Variants in ERG observed in about 807,000 individuals in gnomAD.
ERG encodes ETS transcription factor ERG.
In ERG, 9 loss-of-function variants were observed where a neutral mutation model predicts 55.3. The ratio of observed to expected loss-of-function variants is 0.16; its 90% CI spans 0.10 to 0.28. The LOEUF (loss-of-function observed/expected upper bound fraction) is 0.28, where lower values mean the gene tolerates loss of function less well. Ranked by LOEUF, ERG falls within the 10% of genes least tolerant of loss-of-function variation. The probability of loss-of-function intolerance (pLI) is 1.00; values close to 1 mark genes in which losing one functional copy is unlikely to be tolerated. For missense variants in ERG, 434 were observed against 631.6 expected, an observed-to-expected ratio of 0.69 and a Z score of 3.35; for synonymous variants, 223 against 237.3, an observed-to-expected ratio of 0.94 and a Z score of 0.55.
chr21:38,415,516 GT>G lies in ERG; in HGVS notation c.388+7893del, dbSNP rs1185566102. 3.3e-5 allele frequency among the ~76,000 whole-genome samples: 5 copies of G among 152,216 alleles called. No individual in the cohort carries two copies. In the East Asian group the frequency reaches 9.7e-4, roughly 29 times the overall value. ...TTTTAGTGGGTTTTGTTATTTAGTT[GT>G]TTGAGCATAGCAGGAATTTAAACAG... On this transcript the variant is annotated intron_variant, in intron 3 of 9. Coordinates refer to ENST00000288319, the MANE Select transcript of ERG (RefSeq NM_182918.4).
chr21:38,579,055 G>A (rs1226901232), intron 1 of ERG, among the ~76,000 whole-genome samples: 1 of 152,094 alleles, frequency 6.6e-6, no homozygotes, highest in East Asian at 1.9e-4. Context: ...GAAACTGAAG[G>A]ATAACCAAGA....
intron 1 of ERG, among the ~76,000 whole-genome samples, chr21:38,464,987 TG>T (rs1845014931): frequency 6.6e-6 from 1 of 152,128 alleles, no homozygotes; most frequent in Non-Finnish European, 1.5e-5. Context: ...GAGTTGGTTC[TG>T]GGTTCATGTT....
intron 2 of ERG, among the ~76,000 whole-genome samples, chr21:38,573,625 T>A (rs529152426): frequency 1.3e-5 from 2 of 152,206 alleles, no homozygotes; most frequent in Admixed American, 1.3e-4. Flanking sequence ...TCACATGTTT[T>A]TTGCTGACCT....
At chr21:38,546,528 C>T (rs1601222268) in intron 2 of ERG, among the ~76,000 whole-genome samples, 1 of 152,336 alleles carries the variant, frequency 6.6e-6, no homozygotes, top group Non-Finnish European at 1.5e-5. Context: ...CAGGCCTTGA[C>T]ACAAGCGCCC....
intron 1 of ERG, among the ~76,000 whole-genome samples, chr21:38,453,442 T>C (rs907007465): frequency 7.2e-5 from 11 of 152,380 alleles, no homozygotes; most frequent in Non-Finnish European, 7.3e-5. Context: ...TTAAAACAAC[T>C]CTGTTTTCTC....
chr21:38,402,468 C>A, intron 5 of ERG, 89 bp downstream of exon 5: 1 of 903,516 alleles, frequency 1.1e-6, no homozygotes. Context: ...GTCTTCCTGG[C>A]ACGCGCTGAC....
chr21:38,431,188 A>C (rs1412377462), intron 2 of ERG, among the ~76,000 whole-genome samples: 1 of 152,222 alleles, frequency 6.6e-6, no homozygotes, highest in East Asian at 1.9e-4. Context: ...ATTTTGTTAA[A>C]TTTGAGTTAA....
chr21:38,419,519 A>ACT, intron 3 of ERG, among the ~76,000 whole-genome samples: 1 of 151,346 alleles, frequency 6.6e-6, no homozygotes, highest in South Asian at 2.1e-4. Flanking sequence ...ATACACATAC[A>ACT]CACACACACA....
intron 2 of ERG, among the ~76,000 whole-genome samples, chr21:38,423,789 CA>C (rs1989669411): frequency 6.6e-6 from 1 of 152,082 alleles, no homozygotes; most frequent in Non-Finnish European, 1.5e-5. Flanking sequence ...AGATCCAGAC[CA>C]TCCTGGCCAA....
chr21:38,380,729 T>A lies in ERG; in HGVS notation c.*2674A>T. ...TATCCAAAATTATCCCAGTTGCTCA[T>A]AAGACTTGCTAATAACCTGGACTGG... On this transcript the variant is annotated 3_prime_UTR_variant, in exon 10 of 10. Coordinates refer to ENST00000288319, the MANE Select transcript of ERG (RefSeq NM_182918.4). The A allele has an allele frequency of 9.4e-7, 1 of 1,065,034 alleles. No homozygotes were observed. 66.0% of individuals were successfully genotyped at this position (1,065,034 alleles called of 1,614,324 possible). A position where few individuals can be genotyped will look rare whatever the true frequency, so the allele number is the denominator to read the frequency against.
At chr21:38,555,187 CA>C in intron 2 of ERG, among the ~76,000 whole-genome samples, 1 of 151,832 alleles carries the variant, frequency 6.6e-6, no homozygotes, top group East Asian at 1.9e-4. Context: ...ATTATCCAGG[CA>C]TGGTGGCACA....
chr21:38,606,279 A>C (rs1037300360), intron 1 of ERG, among the ~76,000 whole-genome samples: 2 of 152,210 alleles, frequency 1.3e-5, no homozygotes, highest in Admixed American at 6.5e-5. Flanking sequence ...CTGATAGATG[A>C]TTAGATGTAT....
chr21:38,539,878 C>T (rs867899463), intron 2 of ERG, among the ~76,000 whole-genome samples: 12 of 149,962 alleles, frequency 8.0e-5, no homozygotes, highest in South Asian at 6.3e-4. Context: ...TATAAAACAG[C>T]GTCTCCAACA....
intron 1 of ERG, among the ~76,000 whole-genome samples, chr21:38,642,943 C>T (rs1233393176): frequency 2.6e-5 from 4 of 152,222 alleles, no homozygotes; most frequent in Admixed American, 6.5e-5. Flanking sequence ...CCTGTGCCTT[C>T]GCAGCAAGAA....
intron 6 of ERG, 34 bp downstream of exon 6, chr21:38,400,540 T>G: frequency 6.5e-7 from 1 of 1,535,978 alleles, no homozygotes; most frequent in Non-Finnish European, 9.0e-7. Context: ...GGGATGTCTC[T>G]CAATGAAGAG....
At chr21:38,406,944 T>C (rs924755665) in intron 3 of ERG, among the ~76,000 whole-genome samples, 10 of 152,326 alleles carry the variant, frequency 6.6e-5, no homozygotes, top group African/African-American at 2.2e-4. Context: ...GTCCTCAACC[T>C]GTATTGTACT....
chr21:38,515,120 A>T (rs1022979721), intron 2 of ERG, among the ~76,000 whole-genome samples: 2 of 151,992 alleles, frequency 1.3e-5, no homozygotes, highest in East Asian at 3.8e-4. Flanking sequence ...GGATTGAAAA[A>T]CTTAATAATC....
At chr21:38,471,216 GACC>G (rs2059136091) in intron 1 of ERG, 1 of 152,306 alleles carries the variant, frequency 6.6e-6, no homozygotes, top group South Asian at 2.1e-4. Context: ...TTAAGGAAAT[GACC>G]ACTTCTTGGT....
intron 1 of ERG, among the ~76,000 whole-genome samples, chr21:38,476,216 C>T (rs900295076): frequency 5.9e-5 from 9 of 151,678 alleles, no homozygotes; most frequent in Admixed American, 4.6e-4. Flanking sequence ...GAACGTAGTA[C>T]GTTAAAAAAA....
Sources: gnomAD v4.1 joint callset for allele counts (sites outside exome capture counted in the v4.1 genomes callset) on GRCh38, gnomAD v4.1.1 for gene constraint, MANE v1.5 for transcripts, NCBI Gene and HGNC (gene_info 2026-07-23, HGNC 2026-07-21) for gene names.